Variants in ZNF469 observed in about 807,000 individuals in gnomAD.
The protein encoded by ZNF469 is zinc finger protein 469.
Under a neutral mutation model 1.0 loss-of-function variants are expected in ZNF469, and 1 was observed. That is an observed-to-expected ratio of 1.00 (90% CI 0.35 to 4.73). The LOEUF (loss-of-function observed/expected upper bound fraction) is 4.73, where lower values mean the gene tolerates loss of function less well. ZNF469 is among the 30% of genes most tolerant of loss of function. ZNF469 has a pLI of 0.16. For synonymous variants in ZNF469, 2,703 were observed against 2,363.4 expected (o/e 1.14, Z -4.17); for missense variants, 6,100 against 5,356.3 (o/e 1.14, Z -4.33).
rs1189415377 is a variant in ZNF469 at position 88,437,882 on chromosome 16, C to T, written c.10412C>T (p.Pro3471Leu). Residue 3471 changes from proline to leucine, a missense_variant, in exon 3 of 3, where the codon CCC becomes CTC. By Grantham distance (98) the Pro-to-Leu change is moderately conservative. Coordinates refer to ENST00000565624, the MANE Select transcript of ZNF469 (RefSeq NM_001367624.2). ...GCCCGGGCCCTCGAGGGCACACTGCCCAGCAAACGGCGCAGGGTGGCCATG... is the reference window on the plus strand; with the variant it reads ...GCCCGGGCCCTCGAGGGCACACTGCTCAGCAAACGGCGCAGGGTGGCCATG... Reference protein sequence around the residue: ...QKARALEGTLPSKRRRVAMPG... With the variant: ...QKARALEGTLLSKRRRVAMPG... 2 of 1,540,272 alleles carry T rather than the reference C, an allele frequency of 1.3e-6. No individual in the cohort carries two copies. Among genetic ancestry groups the T allele is most frequent in the Non-Finnish European group, 1.8e-6 (2 of 1,140,246 alleles).
the ZNF469 span, among the ~76,000 whole-genome samples, chr16:88,328,311 C>T: frequency 6.6e-6 from 1 of 152,264 alleles, no homozygotes; most frequent in Admixed American, 6.5e-5. Context: ...CTGCTGCTGA[C>T]TGTGTGACCT....
At chr16:88,242,297 A>C in the ZNF469 span, among the ~76,000 whole-genome samples, 7 of 152,356 alleles carry the variant, frequency 4.6e-5, no homozygotes, top group African/African-American at 1.7e-4. Context: ...TTCAAAATTC[A>C]AAATGCATTC....
At chr16:88,133,009 T>G in the ZNF469 span, among the ~76,000 whole-genome samples, 5,073 of 151,946 alleles carry the variant, frequency 0.033, no homozygotes, top group African/African-American at 0.11. Context: ...CTGGGAGAGA[T>G]GCCAGGAGAC....
At chr16:88,266,334 G>A in the ZNF469 span, among the ~76,000 whole-genome samples, 1 of 152,242 alleles carries the variant, frequency 6.6e-6, no homozygotes, top group East Asian at 1.9e-4. Context: ...GGAGCTACAG[G>A]GAGGTTGCTG....
Position 88,429,888 on chromosome 16 carries a change from G to C in ZNF469, c.2418G>C (p.Glu806Asp). The change falls in exon 3 of 3, where the codon GAG (glutamate) becomes GAC (aspartate). Residue 806 changes from glutamate to aspartate, a missense_variant. By Grantham distance (45) the Glu-to-Asp change is conservative. Coordinates refer to ENST00000565624, the MANE Select transcript of ZNF469 (RefSeq NM_001367624.2). ...TGTTAGCTGGGGACGCCCAGGCCGAGGGCAAAGACGACCCCCTGAGGACAG... is the reference window on the plus strand; with the variant it reads ...TGTTAGCTGGGGACGCCCAGGCCGACGGCAAAGACGACCCCCTGAGGACAG... Reference protein sequence around the residue: ...TFLLAGDAQAEGKDDPLRTGF... With the variant: ...TFLLAGDAQADGKDDPLRTGF... 6.5e-7 allele frequency: 1 copy of C among 1,550,240 alleles called. No individual in the cohort carries two copies. The highest frequency in any genetic ancestry group is 2.4e-5 in the East Asian group (1 of 40,916).
the ZNF469 span, among the ~76,000 whole-genome samples, chr16:88,163,687 T>A: frequency 6.7e-6 from 1 of 149,678 alleles, no homozygotes; most frequent in Non-Finnish European, 1.5e-5. Context: ...GATATATGGG[T>A]GGGTGGATGT....
intron 1 of ZNF469, among the ~76,000 whole-genome samples, chr16:88,398,953 C>G (rs955512794): frequency 6.6e-6 from 1 of 152,246 alleles, no homozygotes; most frequent in Non-Finnish European, 1.5e-5. Flanking sequence ...CCACCACCCC[C>G]CCAGGATCTA....
At position 88,424,466 on chromosome 16, in the gene ZNF469, C is replaced by A. The variant is rs909175887; in HGVS notation, c.-191-341C>A. On this transcript the variant is annotated intron_variant, in intron 1 of 2. Transcript: ENST00000565624. This position sits in a 1 kb window ranked among gnomAD's most constrained non-coding sequence, Gnocchi z 4.3. ...AGGGATGGGAGGGGCAGCGTTCTCA[C>A]TGCAACTCGTAATAATCTGGAGCTT... Among the ~76,000 whole-genome samples the A allele has an allele frequency of 6.6e-6, 1 of 152,186 alleles. No homozygotes were observed. The highest frequency in any genetic ancestry group is 2.4e-5 in the African/African-American group (1 of 41,448).
chr16:88,377,554 G>A, the ZNF469 span, among the ~76,000 whole-genome samples: 42 of 152,310 alleles, frequency 2.8e-4, no homozygotes, highest in African/African-American at 7.5e-4. Context: ...TGAGTCACGC[G>A]CCACCATCCG....
At chr16:88,187,715 A>ATTTTTTTT in the ZNF469 span, among the ~76,000 whole-genome samples, 1 of 140,204 alleles carries the variant, frequency 7.1e-6, no homozygotes. Flanking sequence ...GATTGCCTGC[A>ATTTTTTTT]TTTTTTTTTT....
At chr16:88,120,515 C>T in the ZNF469 span, among the ~76,000 whole-genome samples, 14 of 152,254 alleles carry the variant, frequency 9.2e-5, no homozygotes, top group African/African-American at 3.1e-4. Context: ...GTGACGGTCA[C>T]CTGGACTGGG....
intron 1 of ZNF469, among the ~76,000 whole-genome samples, chr16:88,387,550 C>T (rs910742545): frequency 3.0e-4 from 45 of 152,330 alleles, no homozygotes; most frequent in African/African-American, 1.1e-3. Flanking sequence ...GGCTGTGACC[C>T]GGCGTCAAAC....
chr16:88,192,353 G>C, the ZNF469 span: 2 of 152,126 alleles, frequency 1.3e-5, no homozygotes, highest in African/African-American at 4.8e-5. Flanking sequence ...GTCTGAGCCA[G>C]GTAGTTCGGA....
the ZNF469 span, among the ~76,000 whole-genome samples, chr16:88,208,565 AGGAGAGAGGGAAGGAGAGAGGGAG>A: frequency 0.035 from 784 of 22,284 alleles, 1 homozygote; most frequent in Non-Finnish European, 0.051. Flanking sequence ...GAGGGAGGGA[AGGAGAGAGGGAAGGAGAGAGGGAG>A]GGAGAGAAAG....
intron 1 of ZNF469, among the ~76,000 whole-genome samples, chr16:88,422,075 G>A (rs565716635): frequency 2.0e-4 from 30 of 150,708 alleles, no homozygotes; most frequent in African/African-American, 6.3e-4. Flanking sequence ...AAGGGTGGAC[G>A]GGTGGCTGAC....
chr16:88,335,620 C>A, the ZNF469 span, among the ~76,000 whole-genome samples: 1 of 152,242 alleles, frequency 6.6e-6, no homozygotes, highest in South Asian at 2.1e-4. Context: ...ATTGCCAAGT[C>A]CAGGCAGATG....
chr16:88,377,083 A>C, the ZNF469 span, among the ~76,000 whole-genome samples: 2 of 152,370 alleles, frequency 1.3e-5, no homozygotes, highest in Non-Finnish European at 2.9e-5. Context: ...AGCTGGAGGC[A>C]GAGATGGGAC....
At chr16:88,300,287 C>T in the ZNF469 span, among the ~76,000 whole-genome samples, 2 of 152,256 alleles carry the variant, frequency 1.3e-5, no homozygotes, top group Non-Finnish European at 2.9e-5. Context: ...TGGGAGGTGG[C>T]CATGGATGGA....
chr16:88,153,540 T>G, the ZNF469 span, among the ~76,000 whole-genome samples: 1 of 152,228 alleles, frequency 6.6e-6, no homozygotes, highest in Non-Finnish European at 1.5e-5. Context: ...GAGGTTGACC[T>G]TTGCTTATGG....
Sources: gnomAD v4.1 joint callset for allele counts (sites outside exome capture counted in the v4.1 genomes callset) on GRCh38, gnomAD v4.1.1 for gene constraint, Gnocchi (gnomAD v3.1) non-coding constraint, MANE v1.5 for transcripts, NCBI Gene and HGNC (gene_info 2026-07-23, HGNC 2026-07-21) for gene names.